DCDC1: variants seen among roughly 807,000 people sequenced by gnomAD.
DCDC1 encodes doublecortin domain-containing protein 1.
DCDC1 carries 200 observed loss-of-function variants against 178.3 expected under a neutral mutation model. That is an observed-to-expected ratio of 1.12 (90% CI 1.00 to 1.26). The LOEUF (loss-of-function observed/expected upper bound fraction) is 1.26. DCDC1 is among the 50% of genes most tolerant of loss of function. The probability of loss-of-function intolerance (pLI) is 0.00; values close to 1 mark genes in which losing one functional copy is unlikely to be tolerated. For synonymous variants in DCDC1, 690 were observed against 604.8 expected, an observed-to-expected ratio of 1.14 and a Z score of -2.07; for missense variants, 1,983 against 1,749.2, an observed-to-expected ratio of 1.13 and a Z score of -2.38.
chr11:30,915,721 A>G lies in DCDC1; in HGVS notation c.3453-10T>C, dbSNP rs746830527. 4 of 1,606,670 alleles carry G rather than the reference A, an allele frequency of 2.5e-6. No homozygotes were observed. In the Admixed American group the frequency reaches 6.8e-5, roughly 27 times the overall value. ...ATGCTTTGGTGAACAGCTGAGATAA[A>G]GAAATCTCTATTAGTGGCAGAAAAA... On this transcript the variant is annotated splice_polypyrimidine_tract_variant and intron_variant, in intron 26 of 38. Transcript: ENST00000684477.
chr11:31,038,767 T>C (rs1954241678), intron 20 of DCDC1, among the ~76,000 whole-genome samples: 1 of 152,164 alleles, frequency 6.6e-6, no homozygotes, highest in Non-Finnish European at 1.5e-5. Flanking sequence ...TTAACTCAAA[T>C]TCTATCCTCT....
chr11:31,094,278 A>G (rs1385097839), intron 15 of DCDC1, 94 bp from the exon 16 acceptor site: 3 of 677,588 alleles, frequency 4.4e-6, no homozygotes, highest in Non-Finnish European at 8.0e-6. Context: ...CTAGAACATT[A>G]TTTATTCTGA....
chr11:31,112,723 C>T (rs1441937902), intron 11 of DCDC1, among the ~76,000 whole-genome samples: 1 of 152,156 alleles, frequency 6.6e-6, no homozygotes, highest in Non-Finnish European at 1.5e-5. Flanking sequence ...TACAGAGTTT[C>T]AAGAGAGTGT....
intron 20 of DCDC1, among the ~76,000 whole-genome samples, chr11:31,000,777 G>A (rs570225633): frequency 1.3e-5 from 2 of 151,300 alleles, no homozygotes; most frequent in African/African-American, 4.8e-5. Flanking sequence ...AATTACTTAG[G>A]AAGAAAACCA....
chr11:31,294,798 A>AAAATAAAG (rs1555168148), intron 6 of DCDC1, among the ~76,000 whole-genome samples: 195 of 125,316 alleles, frequency 1.6e-3, no homozygotes, highest in Middle Eastern at 3.9e-3. Context: ...AAAATAAAGA[A>AAAATAAAG]AAAGAAAGAA....
chr11:31,158,015 T>C (rs907488449), intron 9 of DCDC1, among the ~76,000 whole-genome samples: 4 of 152,168 alleles, frequency 2.6e-5, no homozygotes, highest in Admixed American at 2.6e-4. Flanking sequence ...CCATGCATTA[T>C]CTCATATATT....
At position 31,103,131 on chromosome 11, in the gene DCDC1, T is replaced by C. The variant is rs1019553856; in HGVS notation, c.1877+513A>G. On this transcript the variant is annotated intron_variant, in intron 14 of 38. Transcript: ENST00000684477. ...AAAGCCAGTTTGTATTATTTGCAGA[T>C]AAGAAACCAACACCAATCTGCTCCT... Among the ~76,000 whole-genome samples the C allele has an allele frequency of 2.6e-5, 4 of 152,292 alleles. No individual in the cohort carries two copies. In the East Asian group the frequency reaches 7.7e-4, roughly 29 times the overall value.
chr11:30,908,380 CTGAG>C (rs1372280344), intron 29 of DCDC1, among the ~76,000 whole-genome samples: 1 of 152,076 alleles, frequency 6.6e-6, no homozygotes, highest in Non-Finnish European at 1.5e-5. Flanking sequence ...GACTACGCAA[CTGAG>C]TGTCACATAG....
intron 27 of DCDC1, among the ~76,000 whole-genome samples, chr11:30,913,340 C>T (rs1328344566): frequency 2.0e-5 from 3 of 151,668 alleles, no homozygotes; most frequent in Non-Finnish European, 4.4e-5. Context: ...ACCCGGGAGG[C>T]GGAGCTTGCA....
intron 20 of DCDC1, among the ~76,000 whole-genome samples, chr11:31,032,229 T>C (rs976155395): frequency 6.6e-6 from 1 of 152,094 alleles, no homozygotes; most frequent in African/African-American, 2.4e-5. Flanking sequence ...TCCCAAGAAA[T>C]ATTGCTTCAG....
intron 9 of DCDC1, among the ~76,000 whole-genome samples, chr11:31,157,023 A>C (rs921308490): frequency 8.5e-5 from 13 of 152,184 alleles, no homozygotes; most frequent in Admixed American, 5.9e-4. Flanking sequence ...GCATCTTATA[A>C]AAATAAGTTT....
At chr11:31,328,019 C>A (rs951190362) in intron 3 of DCDC1, 98 bp downstream of exon 3, 5 of 1,259,984 alleles carry the variant, frequency 4.0e-6, no homozygotes, top group Admixed American at 6.4e-5. Flanking sequence ...CATGAGCCAC[C>A]TGGCCCGGCC....
chr11:31,330,984 G>A (rs932834201), intron 2 of DCDC1, among the ~76,000 whole-genome samples: 1 of 152,178 alleles, frequency 6.6e-6, no homozygotes, highest in African/African-American at 2.4e-5. Flanking sequence ...ACCTTGGGCA[G>A]TATGGTCATT....
At chr11:31,307,549 C>G in intron 4 of DCDC1, 90 bp downstream of exon 4, 3 of 1,499,580 alleles carry the variant, frequency 2.0e-6, no homozygotes, top group Non-Finnish European at 2.7e-6. Flanking sequence ...ATTTTAATGT[C>G]TGAGATAGTC....
chr11:30,956,006 G>T (rs185134233), intron 20 of DCDC1, among the ~76,000 whole-genome samples: 533 of 152,246 alleles, frequency 3.5e-3, no homozygotes, highest in Admixed American at 0.011. Context: ...GAGTGTTTAA[G>T]AATTTGAGGA....
intron 9 of DCDC1, among the ~76,000 whole-genome samples, chr11:31,171,250 A>G (rs916994894): frequency 6.6e-6 from 1 of 152,210 alleles, no homozygotes; most frequent in Admixed American, 6.5e-5. Flanking sequence ...AAAGGGCCAG[A>G]TAACAAGTGT....
At position 30,938,856 on chromosome 11, in the gene DCDC1, G is replaced by A. The variant is rs1479636357; in HGVS notation, c.2716-6904C>T. 2.0e-5 allele frequency among the ~76,000 whole-genome samples: 3 copies of A among 152,118 alleles called. No individual in the cohort carries two copies. The East Asian group carries it at 5.8e-4, about 29-fold the overall frequency. On this transcript the variant is annotated intron_variant, in intron 21 of 38. Transcript: ENST00000684477. ...TGGGAATGTTGGAGGGGGCCACGTT[G>A]GCTCCCTCCTTCCTTTGTTCCCTAG...
chr11:31,091,978 G>T (rs754592273), intron 16 of DCDC1, among the ~76,000 whole-genome samples: 4 of 152,162 alleles, frequency 2.6e-5, no homozygotes, highest in African/African-American at 9.7e-5. Flanking sequence ...AAGGTGGTTT[G>T]TGAACTGCTT....
intron 11 of DCDC1, among the ~76,000 whole-genome samples, chr11:31,122,535 AAAT>A (rs1397142026): frequency 1.3e-5 from 2 of 152,142 alleles, no homozygotes; most frequent in Admixed American, 6.6e-5. Context: ...TATAATTTGC[AAAT>A]AATAATAAAA....
Sources: allele counts gnomAD v4.1 joint callset (sites outside exome capture counted in the v4.1 genomes callset), GRCh38; gene constraint gnomAD v4.1.1; transcripts MANE v1.5; gene names NCBI Gene and HGNC (gene_info 2026-07-23, HGNC 2026-07-21).